The following KCTD9 variants were observed in gnomAD, a reference collection of about 807,000 sequenced individuals.
The protein encoded by KCTD9 is BTB/POZ domain-containing protein KCTD9.
In KCTD9, 17 loss-of-function variants were observed where a neutral mutation model predicts 53.3. That is an observed-to-expected ratio of 0.32 (90% CI 0.22 to 0.48). The LOEUF is 0.48. KCTD9 is among the 20% of genes least tolerant of loss of function. KCTD9 has a pLI of 0.99. For missense variants in KCTD9, 179 were observed against 465.5 expected, an observed-to-expected ratio of 0.38 and a Z score of 5.66; for synonymous variants, 128 against 162.7, an observed-to-expected ratio of 0.79 and a Z score of 1.62.
At chr8:25,437,324 C>T (rs920246323) in intron 6 of KCTD9, among the ~76,000 whole-genome samples, 1 of 152,118 alleles carries the variant, frequency 6.6e-6, no homozygotes, top group African/African-American at 2.4e-5. Context: ...GGGAATGCAG[C>T]CAGGATACGT....
At chr8:25,448,713 G>C (rs1301147911) in intron 1 of KCTD9, among the ~76,000 whole-genome samples, 1 of 152,056 alleles carries the variant, frequency 6.6e-6, no homozygotes, top group Non-Finnish European at 1.5e-5. Flanking sequence ...TCAGGAGTTC[G>C]AGACCAGCTT....
chr8:25,443,410 A>C (rs1012895278), intron 3 of KCTD9, among the ~76,000 whole-genome samples: 2 of 152,326 alleles, frequency 1.3e-5, no homozygotes, highest in South Asian at 2.1e-4. Flanking sequence ...CCATCTGAAC[A>C]TCAATAAATG....
intron 1 of KCTD9, among the ~76,000 whole-genome samples, chr8:25,447,043 C>T (rs973458536): frequency 3.3e-5 from 5 of 152,146 alleles, no homozygotes; most frequent in Admixed American, 2.0e-4. Flanking sequence ...GGGTTCCCAG[C>T]GACTGAGTTG....
intron 1 of KCTD9, among the ~76,000 whole-genome samples, chr8:25,450,027 C>T (rs984226787): frequency 6.6e-6 from 1 of 152,146 alleles, no homozygotes; most frequent in Non-Finnish European, 1.5e-5. Context: ...ACACATACTG[C>T]TTGGCAAGGA....
At chr8:25,443,258 G>T (rs142933546) in intron 3 of KCTD9, among the ~76,000 whole-genome samples, 2 of 152,144 alleles carry the variant, frequency 1.3e-5, no homozygotes, top group East Asian at 3.9e-4. Flanking sequence ...ATCAAGGCTT[G>T]TTGGAAAAAT....
intron 2 of KCTD9, among the ~76,000 whole-genome samples, chr8:25,444,877 A>G (rs1802188554): frequency 1.3e-5 from 2 of 152,134 alleles, no homozygotes; most frequent in Admixed American, 6.5e-5. Flanking sequence ...CTCTTCCTCA[A>G]CCCATTACCC....
In KCTD9 at chr8:25,435,363, G is replaced by A. The variant is rs573965301; in HGVS notation, c.813C>T (p.Asp271=). ...TCTTGTAGCCTAAAATGATACTTACGTCAAGCACTGATCCAGAGAGATCAG... is the reference window on the plus strand; with the variant it reads ...TCTTGTAGCCTAAAATGATACTTACATCAAGCACTGATCCAGAGAGATCAG... The part of the protein sequence containing the change: ...ERADLSGSVL[D]CANLQGVKML... Residue 271 remains aspartate (D), a splice_region_variant and synonymous_variant, in exon 9 of 12, where the codon GAC becomes GAT. Coordinates refer to ENST00000221200, the MANE Select transcript of KCTD9 (RefSeq NM_017634.4). 1.2e-5 allele frequency: 19 copies of A among 1,584,868 alleles called. No homozygotes were observed. Among genetic ancestry groups the A allele is most frequent in the South Asian group, 7.0e-5 (6 of 86,324 alleles).
chr8:25,436,219 A>C lies in KCTD9; in HGVS notation c.663+16T>G, dbSNP rs370173861. The C allele has an allele frequency of 5.5e-6, 8 of 1,460,018 alleles. No homozygotes were observed. The highest frequency in any genetic ancestry group is 7.7e-6 in the Non-Finnish European group (8 of 1,041,544). The allele number at this position is 1,460,018 out of a possible 1,614,324, so 90.4% of individuals were successfully genotyped here. A position where few individuals can be genotyped will look rare whatever the true frequency, so the allele number is the denominator to read the frequency against. ...TTTGCTGATAGAAATAATTGATGTA[A>C]AAGCCTGCTAATTACCTGGCATCGC... On this transcript the variant is annotated intron_variant, in intron 8 of 11. Coordinates refer to ENST00000221200, the MANE Select transcript of KCTD9 (RefSeq NM_017634.4).
At chr8:25,457,737 G>A (rs1802484317) in intron 1 of KCTD9, 1 of 153,444 alleles carries the variant, frequency 6.5e-6, no homozygotes, top group Admixed American at 6.5e-5. Context: ...GTTTACTTCT[G>A]TCTCCCTGAC....
At chr8:25,439,928 T>A in intron 4 of KCTD9, 2 of 498,548 alleles carry the variant, frequency 4.0e-6, no homozygotes, top group Non-Finnish European at 6.4e-6. Flanking sequence ...AATTATTACA[T>A]AATAATATTC....
intron 9 of KCTD9, among the ~76,000 whole-genome samples, chr8:25,435,092 G>C: frequency 6.6e-6 from 1 of 152,110 alleles, no homozygotes. Flanking sequence ...ATAAAGTACA[G>C]TATATTGAGG....
chr8:25,452,343 T>C (rs982395587), intron 1 of KCTD9, among the ~76,000 whole-genome samples: 14 of 152,192 alleles, frequency 9.2e-5, no homozygotes, highest in African/African-American at 3.4e-4. Flanking sequence ...GTGGTGGGAA[T>C]ATAAATTACT....
intron 1 of KCTD9, among the ~76,000 whole-genome samples, chr8:25,451,122 A>C (rs1392213589): frequency 2.0e-5 from 3 of 152,238 alleles, no homozygotes; most frequent in African/African-American, 4.8e-5. Flanking sequence ...CCAACTAATC[A>C]TTCGCACATA....
intron 11 of KCTD9, 76 bp from the exon 12 acceptor site, chr8:25,430,049 C>A (rs1801898191): frequency 2.4e-6 from 2 of 835,612 alleles, no homozygotes; most frequent in Admixed American, 1.9e-5. Context: ...AAAATGATTT[C>A]TGGGGCAGAT....
chr8:25,458,017 G>A (rs1014566102), intron 1 of KCTD9, among the ~76,000 whole-genome samples, 182 bp downstream of exon 1: 2 of 151,240 alleles, frequency 1.3e-5, no homozygotes, highest in South Asian at 4.2e-4. Flanking sequence ...GCTCGGGCAC[G>A]GGGGTCCTGA....
intron 3 of KCTD9, among the ~76,000 whole-genome samples, chr8:25,443,203 C>T (rs1039661468): frequency 6.6e-6 from 1 of 151,718 alleles, no homozygotes; most frequent in Non-Finnish European, 1.5e-5. Context: ...GAAGAGCCTC[C>T]CTAGCACCCA....
chr8:25,451,475 T>C (rs918444182), intron 1 of KCTD9: 1 of 152,236 alleles, frequency 6.6e-6, no homozygotes, highest in Non-Finnish European at 1.5e-5. Context: ...TTACTTTGTA[T>C]GTGTTATCTC....
chr8:25,458,272 T>G lies in KCTD9; in HGVS notation c.-26A>C, dbSNP rs765635481. 5 of 1,608,510 alleles carry G rather than the reference T, an allele frequency of 3.1e-6. No homozygotes were observed. The highest frequency in any genetic ancestry group is 1.7e-5 in the Admixed American group (1 of 59,698). On this transcript the variant is annotated 5_prime_UTR_variant, in exon 1 of 12. Transcript: ENST00000221200. ...CGCGCTGCCCCCGCTGGGTCCTGAG[T>G]GAGCCGCCACCCTCCCACCTGGTCC...
intron 6 of KCTD9, among the ~76,000 whole-genome samples, chr8:25,438,327 G>A (rs1170961037): frequency 6.7e-6 from 1 of 148,650 alleles, no homozygotes; most frequent in African/African-American, 2.5e-5. Context: ...TTTTGCAATA[G>A]GTACATGTTC....
Sources: allele counts gnomAD v4.1 joint callset (sites outside exome capture counted in the v4.1 genomes callset), GRCh38; gene constraint gnomAD v4.1.1; transcripts MANE v1.5; gene names NCBI Gene and HGNC (gene_info 2026-07-23, HGNC 2026-07-21).